Variants in CLSTN1 observed in about 807,000 individuals in gnomAD.
CLSTN1 encodes calsyntenin-1.
Under a neutral mutation model 108.3 loss-of-function variants are expected in CLSTN1, and 28 were observed. The observed-to-expected ratio is 0.26, with a 90% CI of 0.19 to 0.35. The LOEUF (loss-of-function observed/expected upper bound fraction) is 0.35, where lower values mean the gene tolerates loss of function less well. Among genes scored for constraint, CLSTN1 ranks in the 10% least tolerant of loss-of-function variants. The pLI is 1.00. For missense variants in CLSTN1, 1,157 were observed against 1,302.6 expected, an observed-to-expected ratio of 0.89 and a Z score of 1.72; for synonymous variants, 524 against 534.9, an observed-to-expected ratio of 0.98 and a Z score of 0.28.
chr1:9,795,315 G>A (rs551905430), intron 1 of CLSTN1, among the ~76,000 whole-genome samples: 6 of 150,900 alleles, frequency 4.0e-5, no homozygotes, highest in African/African-American at 9.7e-5. Flanking sequence ...ACAGGCATGC[G>A]CCACCACGCC....
At chr1:9,806,499 G>T (rs1164100085) in intron 1 of CLSTN1, among the ~76,000 whole-genome samples, 1 of 152,168 alleles carries the variant, frequency 6.6e-6, no homozygotes, top group East Asian at 1.9e-4. Flanking sequence ...GACTTTAAGA[G>T]AATGTTACAA....
chr1:9,785,158 C>A (rs117972030), intron 1 of CLSTN1, among the ~76,000 whole-genome samples: 1 of 151,928 alleles, frequency 6.6e-6, no homozygotes, highest in Non-Finnish European at 1.5e-5. Context: ...CTCAGGTGAT[C>A]CACCGTGCCT....
At chr1:9,761,777 T>C (rs1652086175) in intron 2 of CLSTN1, among the ~76,000 whole-genome samples, 1 of 152,292 alleles carries the variant, frequency 6.6e-6, no homozygotes, top group South Asian at 2.1e-4. Flanking sequence ...CCTGCCCTTA[T>C]ATTGCAAATG....
intron 2 of CLSTN1, among the ~76,000 whole-genome samples, chr1:9,769,535 A>C (rs1652561444): frequency 6.6e-6 from 1 of 152,222 alleles, no homozygotes; most frequent in South Asian, 2.1e-4. Flanking sequence ...GACGCCCATC[A>C]CAAAAAGCCG....
chr1:9,802,526 C>T (rs1570512190), intron 1 of CLSTN1, among the ~76,000 whole-genome samples: 1 of 152,188 alleles, frequency 6.6e-6, no homozygotes, highest in East Asian at 1.9e-4. Flanking sequence ...AAACTCCACT[C>T]TAATTTTATA....
intron 1 of CLSTN1, among the ~76,000 whole-genome samples, chr1:9,796,613 G>A (rs1654017502): frequency 6.6e-6 from 1 of 151,570 alleles, no homozygotes; most frequent in Non-Finnish European, 1.5e-5. Flanking sequence ...GAACCTGAGA[G>A]GCGGAGCTTG....
chr1:9,747,910 G>A (rs1433836341), intron 7 of CLSTN1, among the ~76,000 whole-genome samples: 2 of 152,006 alleles, frequency 1.3e-5, no homozygotes, highest in East Asian at 1.9e-4. Context: ...CGGGCATGGT[G>A]GCAGGTGCCT....
At position 9,807,009 on chromosome 1, in the gene CLSTN1, C is replaced by T. The variant is rs144672609; in HGVS notation, c.91+16634G>A. On this transcript the variant is annotated intron_variant, in intron 1 of 18. Coordinates refer to ENST00000377298, the MANE Select transcript of CLSTN1 (RefSeq NM_001009566.3). ...GTGTTTTCTTGTTCTACAGTAAGGG[C>T]GTGGGGGGGGGTCTGGAGCAGCATT... is the stretch of plus-strand genomic sequence containing the variant. Among the ~76,000 whole-genome samples the T allele has an allele frequency of 9.8e-3, 1,486 of 151,006 alleles. 13 individuals are homozygous for T. Among genetic ancestry groups the T allele is most frequent in the Admixed American group, 0.018 (278 of 15,088 alleles).
intron 2 of CLSTN1, 100 bp from the exon 3 acceptor site, chr1:9,756,610 C>T: frequency 2.1e-6 from 2 of 944,552 alleles, no homozygotes; most frequent in Non-Finnish European, 3.3e-6. Context: ...TACACATTTC[C>T]ACACCAAGCT....
Position 9,730,206 on chromosome 1 carries a change from T to C in CLSTN1, c.*302A>G. On this transcript the variant is annotated 3_prime_UTR_variant, in exon 19 of 19. Coordinates refer to ENST00000377298, the MANE Select transcript of CLSTN1 (RefSeq NM_001009566.3). The surrounding 1 kb of genome is among the most constrained non-coding windows in gnomAD (Gnocchi z 5.6). ...TCTGGAGTGCGAGGGGCCAGTGTCC[T>C]CTCCCCGGGGGGAGACTCCAGACAC... 1 of 470,092 alleles carries C rather than the reference T, an allele frequency of 2.1e-6. No individual in the cohort carries two copies. The highest frequency in any genetic ancestry group is 3.9e-6 in the Non-Finnish European group (1 of 258,090). 29.1% of individuals were successfully genotyped at this position (470,092 alleles called of 1,614,324 possible).
At chr1:9,814,744 T>C (rs935071) in intron 1 of CLSTN1, among the ~76,000 whole-genome samples, 118,576 of 151,754 alleles carry the variant, frequency 0.78, 49,560 homozygotes, top group Non-Finnish European at 0.92. Context: ...ATCCCGTCTC[T>C]ACAAAAATTT....
chr1:9,801,321 T>A lies in CLSTN1; in HGVS notation c.91+22322A>T, dbSNP rs76004473. The stretch of plus-strand genomic sequence containing the variant: ...GATAACCTAGATGAAATTTATCAAT[T>A]CCCTGGAAGATACAATCTGCCAAAA... On this transcript the variant is annotated intron_variant, in intron 1 of 18. Transcript: ENST00000377298. 4.2e-3 allele frequency among the ~76,000 whole-genome samples: 636 copies of A among 152,264 alleles called. 12 individuals carry two copies. In the East Asian group the frequency reaches 0.043, roughly 10 times the overall value.
intron 16 of CLSTN1, 66 bp downstream of exon 16, chr1:9,733,335 G>C: frequency 6.3e-7 from 1 of 1,585,530 alleles, no homozygotes; most frequent in South Asian, 1.1e-5. Context: ...TGAATATTAG[G>C]GCTGCAAATC....
At chr1:9,788,284 T>C (rs2101215148) in intron 1 of CLSTN1, among the ~76,000 whole-genome samples, 1 of 151,260 alleles carries the variant, frequency 6.6e-6, no homozygotes, top group East Asian at 2.0e-4. Flanking sequence ...AATTTGACCA[T>C]TCTAGGCCAG....
intron 1 of CLSTN1, among the ~76,000 whole-genome samples, chr1:9,800,404 A>C (rs1027939903): frequency 1.3e-5 from 2 of 151,876 alleles, no homozygotes; most frequent in Non-Finnish European, 2.9e-5. Context: ...GAACACCGCT[A>C]TAAGACCCCA....
At chr1:9,818,810 G>A (rs1343513606) in intron 1 of CLSTN1, among the ~76,000 whole-genome samples, 9 of 108,174 alleles carry the variant, frequency 8.3e-5, no homozygotes, top group South Asian at 2.8e-4. Flanking sequence ...TTTTTGAGAC[G>A]GAGTCTCACT....
At chr1:9,745,319 C>T (rs1306525807) in intron 7 of CLSTN1, among the ~76,000 whole-genome samples, 1 of 151,902 alleles carries the variant, frequency 6.6e-6, no homozygotes, top group Non-Finnish European at 1.5e-5. Context: ...AACACCCAGT[C>T]CTCCTTTGGT....
chr1:9,770,968 G>A (rs1381245742), intron 2 of CLSTN1, among the ~76,000 whole-genome samples: 1 of 152,088 alleles, frequency 6.6e-6, no homozygotes, highest in African/African-American at 2.4e-5. Flanking sequence ...ACTCCAGCCT[G>A]GGCGACAAAC....
chr1:9,786,667 A>AAC (rs1343048454), intron 1 of CLSTN1, among the ~76,000 whole-genome samples: 5 of 150,282 alleles, frequency 3.3e-5, no homozygotes, highest in Admixed American at 2.0e-4. Context: ...AAAAAAAAAA[A>AAC]AAAAAACAAA....
Sources: allele counts gnomAD v4.1 joint callset (sites outside exome capture counted in the v4.1 genomes callset), GRCh38; gene constraint gnomAD v4.1.1; non-coding constraint Gnocchi (gnomAD v3.1); transcripts MANE v1.5; gene names NCBI Gene and HGNC (gene_info 2026-07-23, HGNC 2026-07-21).